Variants in ABHD12B observed in about 807,000 individuals in gnomAD.
The protein encoded by ABHD12B is protein ABHD12B.
Under a neutral mutation model 50.4 loss-of-function variants are expected in ABHD12B, and 42 were observed. The observed-to-expected ratio is 0.83, with a 90% CI of 0.65 to 1.08. The LOEUF is 1.08. ABHD12B is among the 50% of genes least tolerant of loss of function. The pLI, the probability that ABHD12B is intolerant of heterozygous loss-of-function variation, is 0.00. For missense variants in ABHD12B, 479 were observed against 447.7 expected, an observed-to-expected ratio of 1.07 and a Z score of -0.63; for synonymous variants, 167 against 160.3, an observed-to-expected ratio of 1.04 and a Z score of -0.32.
chr14:50,888,735 G>A (rs1207941824), intron 8 of ABHD12B, 89 bp from the exon 9 acceptor site: 13 of 1,137,820 alleles, frequency 1.1e-5, no homozygotes, highest in Non-Finnish European at 1.6e-5. Context: ...CGTAGCTCAT[G>A]TACAAGATCT....
intron 9 of ABHD12B, chr14:50,892,268 G>C (rs1255812544): frequency 7.1e-6 from 2 of 279,928 alleles, no homozygotes; most frequent in Non-Finnish European, 1.1e-5. Flanking sequence ...AGCAAAGCCT[G>C]AGACAGAGAT....
chr14:50,892,273 A>C, intron 9 of ABHD12B: 1 of 298,868 alleles, frequency 3.3e-6, no homozygotes, highest in Non-Finnish European at 4.9e-6. Flanking sequence ...AGCCTGAGAC[A>C]GAGATTTGGT....
intron 9 of ABHD12B, among the ~76,000 whole-genome samples, chr14:50,899,146 C>A (rs895006498): frequency 1.1e-4 from 17 of 152,094 alleles, no homozygotes; most frequent in Non-Finnish European, 2.2e-4. Context: ...GAACCGAGAT[C>A]GTGCCACTGC....
intron 9 of ABHD12B, among the ~76,000 whole-genome samples, chr14:50,890,827 A>C (rs2050107215): frequency 6.6e-6 from 1 of 152,196 alleles, no homozygotes; most frequent in Non-Finnish European, 1.5e-5. Flanking sequence ...GGTATACCCT[A>C]GGAGTAGAAT....
At position 50,894,909 on chromosome 14, in the gene ABHD12B, A is replaced by T. The variant is rs887644395; in HGVS notation, c.780+6006A>T. On this transcript the variant is annotated intron_variant, in intron 9 of 12. Coordinates refer to ENST00000337334, the MANE Select transcript of ABHD12B (RefSeq NM_001206673.2). ...TCCTCAGCCTCTGCTCCTCCACCCT[A>T]TAATCTTTTTATCGCCTCCCCTCCT... Among the ~76,000 whole-genome samples, 3 of 148,518 alleles carry T rather than the reference A, an allele frequency of 2.0e-5. 1 individual carries two copies. Among genetic ancestry groups the T allele is most frequent in the African/African-American group, 5.3e-5 (2 of 38,080 alleles).
chr14:50,898,919 A>G (rs1243546173), intron 9 of ABHD12B, among the ~76,000 whole-genome samples: 1 of 152,202 alleles, frequency 6.6e-6, no homozygotes, highest in Non-Finnish European at 1.5e-5. Context: ...CCAGCTGGGC[A>G]CGGTGGCTGG....
At chr14:50,877,875 A>AAAAT in intron 1 of ABHD12B, 77 bp from the exon 2 acceptor site, 1 of 1,421,960 alleles carries the variant, frequency 7.0e-7, no homozygotes, top group East Asian at 2.6e-5. Context: ...CCAAAAAAAA[A>AAAAT]CAAAGAAAAA....
chr14:50,884,600 T>C (rs1053786011), intron 5 of ABHD12B, among the ~76,000 whole-genome samples: 3 of 152,206 alleles, frequency 2.0e-5, no homozygotes, highest in Admixed American at 6.5e-5. Context: ...ATATCTACTT[T>C]ACAGTACAGT....
rs775686452 is a variant in ABHD12B at position 50,881,654 on chromosome 14, C to A, written c.486+28C>A. 20 of 1,612,748 alleles carry A rather than the reference C, an allele frequency of 1.2e-5. No individual in the cohort carries two copies. The Admixed American group carries it at 1.8e-4, about 15-fold the overall frequency. ...ATGTCTGAAGAGGCCTCAAAGCACC[C>A]ATTTCATAAGTCTGTTTGATATGTC... On this transcript the variant is annotated intron_variant, in intron 5 of 12. Transcript: ENST00000337334.
At chr14:50,888,785 G>A (rs754042399) in intron 8 of ABHD12B, 39 bp from the exon 9 acceptor site, 8 of 1,556,472 alleles carry the variant, frequency 5.1e-6, no homozygotes, top group Admixed American at 1.7e-5. Flanking sequence ...TTTGAATAGG[G>A]GAGTTACTGA....
chr14:50,886,848 T>C (rs1596010133), intron 8 of ABHD12B, among the ~76,000 whole-genome samples, 164 bp downstream of exon 8: 1 of 152,162 alleles, frequency 6.6e-6, no homozygotes, highest in African/African-American at 2.4e-5. Context: ...CTCCCTTTAA[T>C]ATAAAACAAG....
At chr14:50,894,538 A>G (rs2050167640) in intron 9 of ABHD12B, among the ~76,000 whole-genome samples, 1 of 152,076 alleles carries the variant, frequency 6.6e-6, no homozygotes, top group Non-Finnish European at 1.5e-5. Flanking sequence ...TAAAATCTAA[A>G]TGACTTATTT....
intron 1 of ABHD12B, among the ~76,000 whole-genome samples, chr14:50,876,000 C>T (rs1240476307): frequency 1.3e-5 from 2 of 152,268 alleles, no homozygotes; most frequent in Middle Eastern, 3.4e-3. Context: ...CCAGCAGGAG[C>T]CAGCAGCTGG....
intron 9 of ABHD12B, among the ~76,000 whole-genome samples, 176 bp from the exon 10 acceptor site, chr14:50,901,652 CT>C (rs1311126800): frequency 6.6e-6 from 1 of 152,132 alleles, no homozygotes; most frequent in Non-Finnish European, 1.5e-5. Flanking sequence ...ACATTCCTTT[CT>C]TTTTTTCCAA....
chr14:50,881,876 G>A (rs2049954843), intron 5 of ABHD12B, among the ~76,000 whole-genome samples: 1 of 152,132 alleles, frequency 6.6e-6, no homozygotes, highest in Admixed American at 6.5e-5. Flanking sequence ...AAATGGAGGT[G>A]AAGACATTTT....
intron 8 of ABHD12B, among the ~76,000 whole-genome samples, chr14:50,888,066 C>A (rs193230532): frequency 5.9e-5 from 9 of 152,174 alleles, no homozygotes; most frequent in Non-Finnish European, 1.2e-4. Context: ...TATATGTATA[C>A]ATACCTTAAC....
intron 9 of ABHD12B, chr14:50,892,444 T>C (rs951159588): frequency 6.1e-6 from 6 of 985,288 alleles, no homozygotes; most frequent in Non-Finnish European, 7.2e-6. Flanking sequence ...GCAAAGGGCC[T>C]GTTGTTTCTG....
chr14:50,898,128 A>G (rs2050220022), intron 9 of ABHD12B, among the ~76,000 whole-genome samples: 1 of 152,242 alleles, frequency 6.6e-6, no homozygotes, highest in Admixed American at 6.5e-5. Context: ...AAACTGCCTG[A>G]GAGTTAATAG....
At position 50,885,627 on chromosome 14, in the gene ABHD12B, G is replaced by A. The variant is rs35375734; in HGVS notation, c.500G>A (p.Gly167Asp). 0.061 allele frequency: 99,069 copies of A among 1,613,964 alleles called. 4,509 individuals are homozygous for A. Among genetic ancestry groups the A allele is most frequent in the Admixed American group, 0.16 (9,535 of 60,014 alleles). ...TTTGTTACCTAGGTGCTGAGTGATG[G>A]TGGCTTTCATGTCTTGTCTGTTGAC... is the stretch of plus-strand genomic sequence containing the variant. Reference protein sequence around the residue: ...RLKLVKVLSDGGFHVLSVDYR... With the variant: ...RLKLVKVLSDDGFHVLSVDYR... The change falls in exon 6 of 13, where the codon GGT becomes GAT. Residue 167 changes from glycine (G) to aspartate (D), a missense_variant. Transcript: ENST00000337334.
Sources: gnomAD v4.1 joint callset for allele counts (sites outside exome capture counted in the v4.1 genomes callset) on GRCh38, gnomAD v4.1.1 for gene constraint, MANE v1.5 for transcripts, NCBI Gene and HGNC (gene_info 2026-07-23, HGNC 2026-07-21) for gene names.